The following CELF4 variants were observed in gnomAD, a reference collection of about 807,000 sequenced individuals.
CELF4 encodes the protein CUGBP Elav-like family member 4, also known as CUG-BP- and ETR-3-like factor 4.
A neutral mutation model predicts 59.9 loss-of-function variants in CELF4; 18 were observed. That is an observed-to-expected ratio of 0.30 (90% CI 0.21 to 0.45). The LOEUF is 0.45. Among genes scored for constraint, CELF4 ranks in the 20% least tolerant of loss-of-function variants. The pLI is 1.00. For missense variants in CELF4, 456 were observed against 689.0 expected, an observed-to-expected ratio of 0.66 and a Z score of 3.79; for synonymous variants, 261 against 267.1, an observed-to-expected ratio of 0.98 and a Z score of 0.22.
intron 3 of CELF4, among the ~76,000 whole-genome samples, chr18:37,289,093 C>T (rs1321890410): frequency 6.6e-6 from 1 of 152,132 alleles, no homozygotes; most frequent in Non-Finnish European, 1.5e-5. Flanking sequence ...AGACTTGATC[C>T]TTCAAGAAAA....
intron 1 of CELF4, among the ~76,000 whole-genome samples, chr18:37,510,312 T>C (rs2099942789): frequency 6.6e-6 from 1 of 152,212 alleles, no homozygotes; most frequent in South Asian, 2.1e-4. Flanking sequence ...TTGCTCAACC[T>C]GGCCGAATGT....
intron 2 of CELF4, among the ~76,000 whole-genome samples, chr18:37,339,292 G>C (rs976155102): frequency 7.9e-5 from 12 of 152,196 alleles, no homozygotes; most frequent in African/African-American, 2.9e-4. Context: ...GGGAGGGAGA[G>C]TGTTTGTCCC....
In CELF4 at chr18:37,525,310, C is replaced by G. The variant is rs527976977; in HGVS notation, c.287-39703G>C. ...TTGGGGTTAATGACTTCTGGGAATC[C>G]TTTCCATCTTTAATGTGTTGCCTTC... On this transcript the variant is annotated intron_variant, in intron 1 of 12. Coordinates refer to ENST00000420428, the MANE Select transcript of CELF4 (RefSeq NM_020180.4). 1.2e-3 allele frequency among the ~76,000 whole-genome samples: 186 copies of G among 152,306 alleles called. 1 individual carries two copies. Among genetic ancestry groups the G allele is most frequent in the African/African-American group, 4.1e-3 (171 of 41,568 alleles).
At chr18:37,545,042 G>T (rs759919131) in intron 1 of CELF4, among the ~76,000 whole-genome samples, 1 of 152,168 alleles carries the variant, frequency 6.6e-6, no homozygotes, top group Non-Finnish European at 1.5e-5. Flanking sequence ...CAGGAGCTTC[G>T]TTTCCCACCA....
chr18:37,511,345 G>A (rs576773152), intron 1 of CELF4, among the ~76,000 whole-genome samples: 7 of 152,176 alleles, frequency 4.6e-5, no homozygotes, highest in South Asian at 2.1e-4. Context: ...CCTGGGGCAC[G>A]GTTGGGTCTC....
At chr18:37,514,117 C>T (rs1197246153) in intron 1 of CELF4, among the ~76,000 whole-genome samples, 1 of 152,128 alleles carries the variant, frequency 6.6e-6, no homozygotes, top group Non-Finnish European at 1.5e-5. Flanking sequence ...GTCAGCAGAG[C>T]ACTGGGTCCC....
chr18:37,437,857 G>A (rs1009702685), intron 2 of CELF4, among the ~76,000 whole-genome samples: 1 of 152,172 alleles, frequency 6.6e-6, no homozygotes, highest in African/African-American at 2.4e-5. Context: ...GTGTCCCCCT[G>A]CCACCCAAAT....
chr18:37,511,738 A>G (rs948543), intron 1 of CELF4, among the ~76,000 whole-genome samples: 150,661 of 152,090 alleles, frequency 0.99, 74,642 homozygotes, highest in Middle Eastern at 1. Context: ...TTTCCCTCAC[A>G]CTCTCTGCTC....
At chr18:37,247,937 T>G (rs1171638960) in intron 12 of CELF4, among the ~76,000 whole-genome samples, 1 of 152,210 alleles carries the variant, frequency 6.6e-6, no homozygotes. Flanking sequence ...GACTACAGCC[T>G]GTGGGCCAGC....
chr18:37,469,246 G>A (rs902700282), intron 2 of CELF4, among the ~76,000 whole-genome samples: 5 of 152,036 alleles, frequency 3.3e-5, no homozygotes, highest in Admixed American at 6.6e-5. Context: ...TGACGGCAGG[G>A]GCATCTACTT....
At chr18:37,407,597 A>G (rs62083604) in intron 2 of CELF4, among the ~76,000 whole-genome samples, 85,096 of 150,996 alleles carry the variant, frequency 0.56, 26,186 homozygotes, top group South Asian at 0.8. Context: ...GTATATGTGT[A>G]TATATATACA....
chr18:37,315,014 G>C (rs866828141), intron 3 of CELF4, among the ~76,000 whole-genome samples: 2 of 152,200 alleles, frequency 1.3e-5, no homozygotes, highest in Admixed American at 1.3e-4. Context: ...CGATTCTGCT[G>C]TGCAGGTGGC....
intron 2 of CELF4, among the ~76,000 whole-genome samples, chr18:37,424,679 G>A (rs955341981): frequency 1.3e-5 from 2 of 152,170 alleles, no homozygotes; most frequent in African/African-American, 4.8e-5. Flanking sequence ...GGCCGAGGGA[G>A]CACCACTGCC....
chr18:37,265,871 G>A (rs2077290770), intron 9 of CELF4, among the ~76,000 whole-genome samples: 2 of 152,192 alleles, frequency 1.3e-5, no homozygotes, highest in Non-Finnish European at 2.9e-5. Context: ...CAGGCAGTAG[G>A]ACACAGGCTA....
At chr18:37,450,351 T>C (rs1021104933) in intron 2 of CELF4, among the ~76,000 whole-genome samples, 2 of 151,676 alleles carry the variant, frequency 1.3e-5, no homozygotes, top group African/African-American at 4.9e-5. Flanking sequence ...TCTCTGTCGA[T>C]CTCTGCACCT....
chr18:37,341,326 A>G (rs2098021288), intron 2 of CELF4, among the ~76,000 whole-genome samples: 1 of 152,228 alleles, frequency 6.6e-6, no homozygotes, highest in African/African-American at 2.4e-5. Flanking sequence ...CAGCTAGCTC[A>G]GCATGCGATG....
intron 2 of CELF4, among the ~76,000 whole-genome samples, chr18:37,428,413 G>A (rs2099627684): frequency 3.3e-5 from 5 of 152,100 alleles, no homozygotes; most frequent in Admixed American, 3.3e-4. Context: ...TCCTGCTCTG[G>A]GTCTCTGTAA....
chr18:37,248,905 G>T (rs999178223), intron 12 of CELF4, among the ~76,000 whole-genome samples: 13 of 148,720 alleles, frequency 8.7e-5, no homozygotes, highest in Admixed American at 8.6e-4. Flanking sequence ...CAGTCCACAG[G>T]CTTCTACATA....
intron 10 of CELF4, among the ~76,000 whole-genome samples, chr18:37,263,788 C>T (rs943435405): frequency 2.6e-5 from 4 of 152,058 alleles, no homozygotes. Flanking sequence ...TGTACTGGGG[C>T]ATTCTCATCT....
Sources: gnomAD v4.1 joint callset for allele counts (sites outside exome capture counted in the v4.1 genomes callset) on GRCh38, gnomAD v4.1.1 for gene constraint, MANE v1.5 for transcripts, NCBI Gene and HGNC (gene_info 2026-07-23, HGNC 2026-07-21) for gene names.